The following GPLD1 variants were observed in gnomAD, a reference collection of about 807,000 sequenced individuals.
GPLD1 encodes the protein phosphatidylinositol-glycan-specific phospholipase D.
GPLD1 carries 84 observed loss-of-function variants against 112.6 expected under a neutral mutation model. That is an observed-to-expected ratio of 0.75 (90% CI 0.63 to 0.89). GPLD1 has a LOEUF of 0.89. Ranked by LOEUF, GPLD1 falls within the 40% of genes least tolerant of loss-of-function variation. GPLD1 has a pLI of 0.00. For synonymous variants in GPLD1, 386 were observed against 403.8 expected, an observed-to-expected ratio of 0.96 and a Z score of 0.53; for missense variants, 1,044 against 1,051.5, an observed-to-expected ratio of 0.99 and a Z score of 0.10.
rs560122129 is a variant in GPLD1 at position 24,487,080 on chromosome 6, T to C, written c.98-950A>G. Among the ~76,000 whole-genome samples the C allele has an allele frequency of 5.3e-5, 8 of 152,304 alleles. No homozygotes were observed. In the South Asian group the frequency reaches 1.0e-3, roughly 20 times the overall value. ...TTCAAAGGTGATACCTTATTTCTGT[T>C]GTGAATCACCTCCAATTTTTAAAAT... is the stretch of plus-strand genomic sequence containing the variant. On this transcript the variant is annotated intron_variant, in intron 1 of 24. Coordinates refer to ENST00000230036, the MANE Select transcript of GPLD1 (RefSeq NM_001503.4).
At chr6:24,456,440 G>A in intron 13 of GPLD1, 58 bp downstream of exon 13, 1 of 1,097,402 alleles carries the variant, frequency 9.1e-7, no homozygotes, top group Non-Finnish European at 1.3e-6. Flanking sequence ...GTTGCAGAAT[G>A]ATTGAATAAA....
intron 12 of GPLD1, among the ~76,000 whole-genome samples, chr6:24,459,468 G>A (rs538229414): frequency 9.1e-4 from 139 of 152,216 alleles, no homozygotes; most frequent in Non-Finnish European, 1.4e-3. Flanking sequence ...TGTTACCCAG[G>A]CTAGTCTCAA....
chr6:24,495,053 T>G, exon 1 of GPLD1: 2 of 1,355,926 alleles, frequency 1.5e-6, no homozygotes, highest in Non-Finnish European at 1.9e-6. Flanking sequence ...GGTCGACGTT[T>G]CCAGGCTGCC....
At chr6:24,479,103 C>A (rs4712825) in intron 3 of GPLD1, among the ~76,000 whole-genome samples, 2 of 151,708 alleles carry the variant, frequency 1.3e-5, no homozygotes, top group Non-Finnish European at 2.9e-5. Flanking sequence ...CATTCCAAAC[C>A]CCTCCCCAAC....
In GPLD1 at chr6:24,427,242, CAAATG is replaced by C. The variant is rs1221955277; in HGVS notation, c.*1785_*1789del. Among the ~76,000 whole-genome samples the C allele has an allele frequency of 6.6e-6, 1 of 152,192 alleles. No individual in the cohort carries two copies. The highest frequency in any genetic ancestry group is 1.5e-5 in the Non-Finnish European group (1 of 68,050). On this transcript the variant is annotated 3_prime_UTR_variant, in exon 25 of 25. Transcript: ENST00000230036. The stretch of plus-strand genomic sequence containing the variant: ...TAAGTGTGCCACGCTGCAGGACTGA[CAAATG>C]AAATCCATCCTACGAAAAACAGCCC...
At chr6:24,424,336 T>A (rs1762157162), downstream of GPLD1, 1 of 151,424 alleles carries the variant, frequency 6.6e-6, no homozygotes, top group African/African-American at 2.5e-5. Flanking sequence ...TCTCTGTAAT[T>A]AGAGCCTTTG....
chr6:24,493,128 G>A (rs555848366), upstream of GPLD1, among the ~76,000 whole-genome samples: 77 of 152,270 alleles, frequency 5.1e-4, no homozygotes, highest in South Asian at 0.016. Context: ...TTGAACAAGA[G>A]AGGCAGCCAC....
chr6:24,449,998 C>G, intron 14 of GPLD1, 99 bp from the exon 15 acceptor site: 1 of 731,014 alleles, frequency 1.4e-6, no homozygotes, highest in Non-Finnish European at 2.3e-6. Context: ...CAACCCCCGC[C>G]CCCCGCCACC....
rs1426724850 is a variant in GPLD1 at position 24,448,224 on chromosome 6, C to T, written c.1447-16G>A. On this transcript the variant is annotated splice_polypyrimidine_tract_variant and intron_variant, in intron 15 of 24. Transcript: ENST00000230036. ...ACACGGCACCCTAGATAAGGACAAA[C>T]AGCAGATAGACATGAGGCTCTGGTG... The T allele has an allele frequency of 2.5e-6, 4 of 1,569,726 alleles. No individual in the cohort carries two copies. Among genetic ancestry groups the T allele is most frequent in the African/African-American group, 2.8e-5 (2 of 71,846 alleles).
upstream of GPLD1, among the ~76,000 whole-genome samples, chr6:24,494,061 C>T (rs1764624287): frequency 6.6e-6 from 1 of 152,156 alleles, no homozygotes; most frequent in Non-Finnish European, 1.5e-5. Flanking sequence ...GCTCAAATAC[C>T]TTGGTTGGAT....
At chr6:24,456,771 T>G in intron 12 of GPLD1, 134 bp from the exon 13 acceptor site, 1 of 567,190 alleles carries the variant, frequency 1.8e-6, no homozygotes, top group Non-Finnish European at 3.1e-6. Flanking sequence ...AATAAAACAT[T>G]AGGTCCTATC....
chr6:24,476,089 C>A (rs1764005800), intron 4 of GPLD1, 92 bp downstream of exon 4: 1 of 688,198 alleles, frequency 1.5e-6, no homozygotes, highest in Admixed American at 2.3e-5. Context: ...GCAGCCCTTA[C>A]AGAGCGGTAC....
chr6:24,491,599 T>A (rs557531375), upstream of GPLD1, among the ~76,000 whole-genome samples: 1 of 151,826 alleles, frequency 6.6e-6, no homozygotes, highest in East Asian at 1.9e-4. Context: ...TCCAAGCTAC[T>A]CAGGAGGCTG....
rs1178801427 is a variant in GPLD1, at chr6:24,437,100, G to T, written c.2197+13C>A. 2 of 1,612,494 alleles carry T rather than the reference G, an allele frequency of 1.2e-6. No homozygotes were observed. The highest frequency in any genetic ancestry group is 1.7e-4 in the Middle Eastern group (1 of 6,060). On this transcript the variant is annotated intron_variant, in intron 21 of 24. Transcript: ENST00000230036. ...GACTCAATTCTTGTCAAAGGGTCCT[G>T]TTCCTTTCTTACCTAAGCCATCATC...
At chr6:24,474,745 C>A (rs1763950414) in intron 5 of GPLD1, among the ~76,000 whole-genome samples, 1 of 151,984 alleles carries the variant, frequency 6.6e-6, no homozygotes, top group African/African-American at 2.4e-5. Flanking sequence ...ATCAAGACCA[C>A]CCTGGCCAAC....
chr6:24,495,190 T>C (rs1315501856), exon 1 of GPLD1: 3 of 1,504,026 alleles, frequency 2.0e-6, no homozygotes, highest in Non-Finnish European at 2.6e-6. Flanking sequence ...GACAGCTTCG[T>C]GGGCGGCCGC....
intron 14 of GPLD1, among the ~76,000 whole-genome samples, chr6:24,453,155 A>G (rs1763147802): frequency 6.6e-6 from 1 of 152,228 alleles, no homozygotes; most frequent in African/African-American, 2.4e-5. Context: ...CAGGTGATGA[A>G]TAACCACTTA....
rs774903011 is a variant in GPLD1 at position 24,448,227 on chromosome 6, CAGAT to C, written c.1447-23_1447-20del. 2.6e-6 allele frequency: 4 copies of C among 1,554,164 alleles called. No homozygotes were observed. The African/African-American group carries it at 5.6e-5, about 22-fold the overall frequency. On this transcript the variant is annotated intron_variant, in intron 15 of 24. Transcript: ENST00000230036. ...CGGCACCCTAGATAAGGACAAACAG[CAGAT>C]AGACATGAGGCTCTGGTGGTGACCC...
chr6:24,459,991 T>G (rs528018634), intron 12 of GPLD1, among the ~76,000 whole-genome samples: 8 of 152,322 alleles, frequency 5.3e-5, no homozygotes, highest in African/African-American at 1.9e-4. Context: ...CTTGAACTCC[T>G]GGGCTCAAGC....
Sources: gnomAD v4.1 joint callset for allele counts (sites outside exome capture counted in the v4.1 genomes callset) on GRCh38, gnomAD v4.1.1 for gene constraint, MANE v1.5 for transcripts, NCBI Gene and HGNC (gene_info 2026-07-23, HGNC 2026-07-21) for gene names.